DRC9: variants seen among roughly 807,000 people sequenced by gnomAD.
The protein encoded by DRC9 is dynein regulatory complex protein 9.
chr3:197,959,241 C>T, the DRC9 span: 1 of 152,116 alleles, frequency 6.6e-6, no homozygotes, highest in Non-Finnish European at 1.5e-5. Context: ...CAGCATAACA[C>T]TATTGTTACA....
chr3:197,927,841 G>A, the DRC9 span, among the ~76,000 whole-genome samples: 2 of 151,668 alleles, frequency 1.3e-5, no homozygotes, highest in Admixed American at 6.6e-5. Flanking sequence ...ATCATTCTCA[G>A]CAAACTGTCA....
At chr3:197,922,984 A>G in the DRC9 span, among the ~76,000 whole-genome samples, 1 of 152,204 alleles carries the variant, frequency 6.6e-6, no homozygotes, top group Non-Finnish European at 1.5e-5. Context: ...AATATAAGCT[A>G]CATGCAGAGG....
At chr3:197,921,119 G>T in the DRC9 span, among the ~76,000 whole-genome samples, 1 of 133,578 alleles carries the variant, frequency 7.5e-6, no homozygotes, top group Non-Finnish European at 1.5e-5. Flanking sequence ...CATCTTGGTC[G>T]ACCCGACTAC....
chr3:197,907,140 A>G, the DRC9 span, among the ~76,000 whole-genome samples: 1 of 152,300 alleles, frequency 6.6e-6, no homozygotes, highest in African/African-American at 2.4e-5. Context: ...CCTTAGGGTC[A>G]CACCTGCCTA....
chr3:197,944,178 GA>G, the DRC9 span: 98 of 801,282 alleles, frequency 1.2e-4, no homozygotes, highest in East Asian at 1.4e-3. Flanking sequence ...GAACCTAGAT[GA>G]AAAAAAAGGA....
chr3:197,921,334 T>G, the DRC9 span, among the ~76,000 whole-genome samples: 5,201 of 80,954 alleles, frequency 0.064, 206 homozygotes, highest in African/African-American at 0.2. Context: ...ACTTGGTTTC[T>G]TCTTGGTCGA....
chr3:197,958,144 T>G, the DRC9 span: 1 of 152,212 alleles, frequency 6.6e-6, no homozygotes, highest in Admixed American at 6.5e-5. Flanking sequence ...CATAGCTCAC[T>G]GCACCTTTGA....
the DRC9 span, among the ~76,000 whole-genome samples, chr3:197,900,008 C>CACTGA: frequency 6.6e-6 from 1 of 152,068 alleles, no homozygotes; most frequent in Non-Finnish European, 1.5e-5. This position sits in a 1 kb window ranked among gnomAD's most constrained non-coding sequence, Gnocchi z 4.7. Context: ...TCAGTGCTGC[C>CACTGA]GTCACAGTGG....
At chr3:197,931,396 C>T in the DRC9 span, among the ~76,000 whole-genome samples, 3 of 151,874 alleles carry the variant, frequency 2.0e-5, no homozygotes, top group Admixed American at 6.6e-5. Context: ...GCAGGGGAAT[C>T]GCTTGAACCT....
the DRC9 span, among the ~76,000 whole-genome samples, chr3:197,911,549 G>C: frequency 3.9e-5 from 6 of 151,974 alleles, no homozygotes; most frequent in African/African-American, 1.5e-4. Context: ...ATTTTATAAA[G>C]AAACTGTAAT....
chr3:197,950,551 C>T, the DRC9 span: 1 of 320,974 alleles, frequency 3.1e-6, no homozygotes, highest in Admixed American at 4.6e-5. Flanking sequence ...CTTGTCTGAC[C>T]AGTCTCTTTC....
chr3:197,954,175 G>A, the DRC9 span: 49 of 1,612,826 alleles, frequency 3.0e-5, no homozygotes, highest in Admixed American at 2.5e-4. Context: ...CAAAATGGAC[G>A]TCTGATGAAT....
chr3:197,901,541 C>G, the DRC9 span, among the ~76,000 whole-genome samples: 5 of 152,244 alleles, frequency 3.3e-5, no homozygotes, highest in Non-Finnish European at 5.9e-5. This position sits in a 1 kb window ranked among gnomAD's most constrained non-coding sequence, Gnocchi z 4.4. Flanking sequence ...TCACCACAAA[C>G]TGACTGGAGA....
chr3:197,953,880 T>A, the DRC9 span: 72 of 878,170 alleles, frequency 8.2e-5, no homozygotes, highest in Non-Finnish European at 1.3e-4. Flanking sequence ...GTTCTAGGCA[T>A]TTAAAGTTTC....
the DRC9 span, chr3:197,949,631 T>G: frequency 6.5e-6 from 1 of 153,116 alleles, no homozygotes; most frequent in Non-Finnish European, 1.5e-5. Context: ...CGTGAGCCAC[T>G]GTGCCCAGTC....
the DRC9 span, chr3:197,912,474 C>A: frequency 6.1e-6 from 3 of 488,798 alleles, no homozygotes; most frequent in South Asian, 3.5e-5. Context: ...AAGCAGAAAA[C>A]AAAATTTTAC....
chr3:197,913,062 G>C, the DRC9 span: 1 of 301,692 alleles, frequency 3.3e-6, no homozygotes, highest in Non-Finnish European at 6.3e-6. Flanking sequence ...GGAGTGCCAG[G>C]AAGAGTGTTG....
At chr3:197,935,649 AT>A in the DRC9 span, among the ~76,000 whole-genome samples, 1 of 151,244 alleles carries the variant, frequency 6.6e-6, no homozygotes, top group East Asian at 2.0e-4. Flanking sequence ...CGCCCAGCTA[AT>A]TTTTTTCATT....
At chr3:197,954,456 C>A in the DRC9 span, 1 of 418,272 alleles carries the variant, frequency 2.4e-6, no homozygotes, top group Non-Finnish European at 4.5e-6. Flanking sequence ...ACCTCAGCCC[C>A]CCAAGTAGCT....
Sources: allele counts gnomAD v4.1 joint callset (sites outside exome capture counted in the v4.1 genomes callset), GRCh38; gene constraint gnomAD v4.1.1; non-coding constraint Gnocchi (gnomAD v3.1); transcripts MANE v1.5; gene names NCBI Gene and HGNC (gene_info 2026-07-23, HGNC 2026-07-21).